Variants in CSGALNACT1 observed in about 807,000 individuals in gnomAD.
CSGALNACT1 encodes chondroitin sulfate N-acetylgalactosaminyltransferase 1.
Under a neutral mutation model 51.0 loss-of-function variants are expected in CSGALNACT1, and 52 were observed. That is an observed-to-expected ratio of 1.02 (90% CI 0.82 to 1.29). The LOEUF (loss-of-function observed/expected upper bound fraction) is 1.29, where lower values mean the gene tolerates loss of function less well. Ranked by LOEUF, CSGALNACT1 falls within the 50% of genes most tolerant of loss-of-function variation. CSGALNACT1 has a pLI of 0.00. For missense variants in CSGALNACT1, 935 were observed against 679.2 expected, an observed-to-expected ratio of 1.38 and a Z score of -4.19; for synonymous variants, 341 against 254.4, an observed-to-expected ratio of 1.34 and a Z score of -3.24.
At chr8:19,408,638 C>G (rs1266676708) in exon 9 of CSGALNACT1, 3 of 1,613,852 alleles carry the variant, frequency 1.9e-6, no homozygotes, top group Admixed American at 1.7e-5. Flanking sequence ...CTGACCGATA[C>G]TGACACGTCA....
At chr8:19,653,774 G>A (rs1276147818) in intron 1 of CSGALNACT1, among the ~76,000 whole-genome samples, 2 of 149,998 alleles carry the variant, frequency 1.3e-5, no homozygotes, top group Non-Finnish European at 3.0e-5. Flanking sequence ...CTCCAGCATG[G>A]GTGAATGAAT....
intron 1 of CSGALNACT1, among the ~76,000 whole-genome samples, chr8:19,698,346 A>C (rs1433116789): frequency 6.6e-6 from 1 of 152,240 alleles, no homozygotes; most frequent in African/African-American, 2.4e-5. Flanking sequence ...GAACATTGAG[A>C]ATATTAACTA....
intron 1 of CSGALNACT1, among the ~76,000 whole-genome samples, chr8:19,649,426 C>G (rs775414641): frequency 5.9e-5 from 9 of 151,994 alleles, no homozygotes; most frequent in Admixed American, 2.0e-4. Flanking sequence ...AATAATAAAT[C>G]CAGTGTTTTT....
At chr8:19,480,018 C>A (rs2070914472) in intron 4 of CSGALNACT1, among the ~76,000 whole-genome samples, 1 of 152,130 alleles carries the variant, frequency 6.6e-6, no homozygotes, top group Non-Finnish European at 1.5e-5. Flanking sequence ...AGCTTATTTT[C>A]TTTTGTTTGA....
chr8:19,606,337 G>C (rs2051360575), upstream of CSGALNACT1, among the ~76,000 whole-genome samples: 1 of 152,136 alleles, frequency 6.6e-6, no homozygotes, highest in South Asian at 2.1e-4. Flanking sequence ...TTATGGCACT[G>C]GAGGATAGAG....
At chr8:19,537,992 A>G (rs1045246966) in intron 3 of CSGALNACT1, among the ~76,000 whole-genome samples, 1 of 152,182 alleles carries the variant, frequency 6.6e-6, no homozygotes, top group Admixed American at 6.5e-5. Flanking sequence ...TATGTATCTA[A>G]CAAAGGACTA....
chr8:19,596,876 C>G (rs1407129258), intron 2 of CSGALNACT1, among the ~76,000 whole-genome samples: 1 of 152,118 alleles, frequency 6.6e-6, no homozygotes, highest in East Asian at 1.9e-4. Context: ...AGTATACAGT[C>G]CAGTAGCATT....
chr8:19,641,357 C>A (rs537908450), intron 1 of CSGALNACT1, among the ~76,000 whole-genome samples: 111 of 152,228 alleles, frequency 7.3e-4, no homozygotes, highest in African/African-American at 2.5e-3. Flanking sequence ...GATTTACAAG[C>A]TGCCTTAATC....
intron 1 of CSGALNACT1, among the ~76,000 whole-genome samples, chr8:19,699,555 T>A (rs2061752701): frequency 6.6e-6 from 1 of 152,252 alleles, no homozygotes; most frequent in African/African-American, 2.4e-5. Flanking sequence ...AAAAATTATA[T>A]GATGTTACTC....
Position 19,692,965 on chromosome 8 carries a change from T to C in CSGALNACT1, c.-297+64885A>G, listed in dbSNP as rs1235576041. ...TGATGCTCTGAGGCCTTCAACATTC[T>C]CGCAGGCTTGCTCTGCTACCCAGGT... On this transcript the variant is annotated intron_variant, in intron 1 of 1. Transcript: ENST00000517494. Among the ~76,000 whole-genome samples, 6 of 152,306 alleles carry C rather than the reference T, an allele frequency of 3.9e-5. No individual in the cohort carries two copies. In the East Asian group the frequency reaches 5.8e-4, roughly 15 times the overall value.
intron 1 of CSGALNACT1, among the ~76,000 whole-genome samples, chr8:19,738,120 G>C (rs1280456143): frequency 2.6e-5 from 4 of 152,310 alleles, no homozygotes; most frequent in Non-Finnish European, 4.4e-5. Flanking sequence ...TCAGCTACTC[G>C]AGAGGCTGAA....
At chr8:19,513,428 C>CTATATATA (rs1369189523) in intron 3 of CSGALNACT1, among the ~76,000 whole-genome samples, 4 of 82,886 alleles carry the variant, frequency 4.8e-5, no homozygotes, top group African/African-American at 1.7e-4. Context: ...CTCTCTCTCT[C>CTATATATA]TCTCTCTCTA....
intron 1 of CSGALNACT1, among the ~76,000 whole-genome samples, chr8:19,624,731 T>C (rs754967419): frequency 6.6e-6 from 1 of 151,598 alleles, no homozygotes; most frequent in Non-Finnish European, 1.5e-5. Context: ...CAGGCTGGAG[T>C]GCAGTGGCGA....
At chr8:19,507,396 C>T (rs2077536785) in intron 3 of CSGALNACT1, among the ~76,000 whole-genome samples, 4 of 151,984 alleles carry the variant, frequency 2.6e-5, no homozygotes, top group Non-Finnish European at 4.4e-5. Flanking sequence ...AGTCTGCCTG[C>T]CTTCTCCATT....
At chr8:19,741,541 C>G (rs1385590482) in intron 1 of CSGALNACT1, among the ~76,000 whole-genome samples, 1 of 113,752 alleles carries the variant, frequency 8.8e-6, no homozygotes, top group Non-Finnish European at 1.7e-5. Flanking sequence ...CCAGCCTGGG[C>G]GAAAGAGTGA....
intron 1 of CSGALNACT1, among the ~76,000 whole-genome samples, chr8:19,717,869 C>G (rs1037185074): frequency 6.6e-6 from 1 of 152,106 alleles, no homozygotes; most frequent in Non-Finnish European, 1.5e-5. Flanking sequence ...CAACCCTAGT[C>G]TAGACTAGTC....
At chr8:19,516,917 C>T (rs544094333) in intron 3 of CSGALNACT1, among the ~76,000 whole-genome samples, 87 of 152,330 alleles carry the variant, frequency 5.7e-4, no homozygotes, top group African/African-American at 2.0e-3. Context: ...TTTCCATTTC[C>T]AGCTGGAATC....
intron 1 of CSGALNACT1, among the ~76,000 whole-genome samples, chr8:19,738,979 C>A (rs1427280870): frequency 6.6e-6 from 1 of 152,034 alleles, no homozygotes; most frequent in Non-Finnish European, 1.5e-5. Context: ...TCCTATACAA[C>A]ATTAATCAAA....
intron 1 of CSGALNACT1, among the ~76,000 whole-genome samples, chr8:19,734,179 A>T (rs2063840669): frequency 6.8e-6 from 1 of 146,020 alleles, no homozygotes; most frequent in Non-Finnish European, 1.5e-5. Context: ...ATTTCAAAGT[A>T]TCAGCCTCCT....
Sources: allele counts gnomAD v4.1 joint callset (sites outside exome capture counted in the v4.1 genomes callset), GRCh38; gene constraint gnomAD v4.1.1; transcripts MANE v1.5; gene names NCBI Gene and HGNC (gene_info 2026-07-23, HGNC 2026-07-21).